The following MAU2 variants were observed in gnomAD, a reference collection of about 807,000 sequenced individuals.
MAU2 encodes MAU2 sister chromatid cohesion factor.
In MAU2, 9 loss-of-function variants were observed where a neutral mutation model predicts 89.1. That is an observed-to-expected ratio of 0.10 (90% CI 0.06 to 0.18). The LOEUF is 0.18. MAU2 is among the 10% of genes least tolerant of loss of function. The pLI is 1.00. For synonymous variants in MAU2, 357 were observed against 343.4 expected (o/e 1.04, Z -0.44); for missense variants, 425 against 803.5 (o/e 0.53, Z 5.69).
In MAU2 at chr19:19,323,496, TTTTA is replaced by T. The variant is rs373778998; in HGVS notation, c.276+2385_276+2388del. ...GGTGTGAGTCACCACATCTGGCCAG[TTTTA>T]TTTATTTATTTATTTATTTATTTTG... On this transcript the variant is annotated intron_variant, in intron 1 of 18. Coordinates refer to ENST00000262815, the MANE Select transcript of MAU2 (RefSeq NM_015329.4). 6.6e-5 allele frequency among the ~76,000 whole-genome samples: 10 copies of T among 151,602 alleles called. No homozygotes were observed. In the South Asian group the frequency reaches 8.3e-4, roughly 13 times the overall value.
chr19:19,334,019 C>G (rs867400406), intron 1 of MAU2: 1 of 218,976 alleles, frequency 4.6e-6, no homozygotes, highest in Non-Finnish European at 7.7e-6. Context: ...TCCCCTCTCT[C>G]CTGTGTGATT....
chr19:19,349,044 C>G lies in MAU2; in HGVS notation c.1358+106C>G, dbSNP rs532720307. The G allele has an allele frequency of 5.6e-5, 87 of 1,558,398 alleles. No individual in the cohort carries two copies. In the South Asian group the frequency reaches 9.7e-4, roughly 17 times the overall value. On this transcript the variant is annotated intron_variant, in intron 14 of 18. Transcript: ENST00000262815. ...CCCTGACACCCCATACCCCTCCTCACAGACAGTCTGCAGTGGGGGCTCTCA... is the reference window on the plus strand; with the variant it reads ...CCCTGACACCCCATACCCCTCCTCAGAGACAGTCTGCAGTGGGGGCTCTCA...
At chr19:19,347,627 A>C in intron 13 of MAU2, 1 of 409,844 alleles carries the variant, frequency 2.4e-6, no homozygotes, top group Non-Finnish European at 4.5e-6. Context: ...AGCTGTATGA[A>C]TCACACAGAC....
At chr19:19,350,654 AC>A (rs1221993947) in intron 16 of MAU2, among the ~76,000 whole-genome samples, 33 of 151,064 alleles carry the variant, frequency 2.2e-4, no homozygotes, top group Admixed American at 1.3e-4. Context: ...TAATCCCAGC[AC>A]TTTGGGAGGC....
intron 5 of MAU2, among the ~76,000 whole-genome samples, chr19:19,339,372 G>A (rs988709654): frequency 4.6e-5 from 7 of 152,034 alleles, no homozygotes; most frequent in Non-Finnish European, 8.8e-5. Flanking sequence ...GCTTGAACCC[G>A]GGAGGCAGAG....
rs1790223820 is a variant in MAU2 at position 19,355,983 on chromosome 19, G to C, written c.*201G>C. 2.9e-6 allele frequency: 2 copies of C among 686,962 alleles called. No homozygotes were observed. The highest frequency in any genetic ancestry group is 5.3e-6 in the Non-Finnish European group (2 of 375,950). 42.6% of individuals were successfully genotyped at this position (686,962 alleles called of 1,614,324 possible). A position where few individuals can be genotyped will look rare whatever the true frequency, so the allele number is the denominator to read the frequency against. On this transcript the variant is annotated 3_prime_UTR_variant, in exon 19 of 19. Transcript: ENST00000262815. ...ACCTCGCAGCAGGACCCCCAGTGCA[G>C]AGGCTCACAGGTGGCACACAGGCGC...
intron 9 of MAU2, 53 bp from the exon 10 acceptor site, chr19:19,343,784 G>T (rs541742700): frequency 2.9e-6 from 4 of 1,375,440 alleles, no homozygotes; most frequent in African/African-American, 2.8e-5. Flanking sequence ...TGGGCTGGGG[G>T]TGGCGCCTCC....
intron 5 of MAU2, among the ~76,000 whole-genome samples, chr19:19,339,256 T>C (rs1470617066): frequency 6.6e-6 from 1 of 152,128 alleles, no homozygotes; most frequent in Non-Finnish European, 1.5e-5. Context: ...GAGCCCACCC[T>C]GGCCAACATG....
At chr19:19,355,687 C>T in intron 18 of MAU2, 21 bp from the exon 19 acceptor site, 1 of 1,596,582 alleles carries the variant, frequency 6.3e-7, no homozygotes, top group South Asian at 1.1e-5. Context: ...GCCTCACTCG[C>T]ATGTCCTCTC....
intron 10 of MAU2, 62 bp from the exon 11 acceptor site, chr19:19,344,787 G>T: frequency 7.1e-7 from 1 of 1,407,114 alleles, no homozygotes; most frequent in Non-Finnish European, 1.0e-6. Flanking sequence ...TCTCTCCATT[G>T]CTGCTCAGAC....
chr19:19,323,664 A>T (rs2061482710), intron 1 of MAU2, among the ~76,000 whole-genome samples: 1 of 151,784 alleles, frequency 6.6e-6, no homozygotes, highest in Middle Eastern at 3.4e-3. Flanking sequence ...GCACCACCAC[A>T]CCCAGCTAAT....
intron 7 of MAU2, among the ~76,000 whole-genome samples, chr19:19,342,084 A>T (rs1424681535): frequency 6.6e-6 from 1 of 152,144 alleles, no homozygotes; most frequent in African/African-American, 2.4e-5. Flanking sequence ...GACTGCAGCC[A>T]CGCTTCCCTC....
At chr19:19,327,674 G>GA (rs1568649781) in intron 1 of MAU2, among the ~76,000 whole-genome samples, 1 of 151,724 alleles carries the variant, frequency 6.6e-6, no homozygotes, top group Non-Finnish European at 1.5e-5. Context: ...CACTGGTCTC[G>GA]AACTCCTCAG....
intron 7 of MAU2, 96 bp from the exon 8 acceptor site, chr19:19,342,439 G>A: frequency 7.1e-7 from 1 of 1,403,990 alleles, no homozygotes; most frequent in Non-Finnish European, 9.5e-7. Flanking sequence ...GGGGAAGGCA[G>A]ATGCTCCCTA....
Position 19,345,273 on chromosome 19 carries a change from C to T in MAU2, c.1156-31C>T, listed in dbSNP as rs377753532. ...TGATCTGAGCCCCCTCCCCAGGGGC[C>T]GGCCCTGATGACAACACCACCTTCT... On this transcript the variant is annotated intron_variant, in intron 11 of 18. Transcript: ENST00000262815. The surrounding 1 kb of genome is among the most constrained non-coding windows in gnomAD (Gnocchi z 4.9). The T allele has an allele frequency of 4.6e-5, 74 of 1,602,064 alleles. No homozygotes were observed. Among genetic ancestry groups the T allele is most frequent in the Middle Eastern group, 1.6e-4 (1 of 6,064 alleles).
intron 17 of MAU2, among the ~76,000 whole-genome samples, chr19:19,354,886 G>T (rs928703689): frequency 6.6e-6 from 1 of 152,168 alleles, no homozygotes; most frequent in African/African-American, 2.4e-5. Flanking sequence ...ACTCGCCTGG[G>T]GCCCTGGGGA....
rs1212197633 is a variant in MAU2 at position 19,339,544 on chromosome 19, G to GT, written c.551+614dup. The GT allele has an allele frequency of 1.5e-3, 220 of 150,138 alleles. 1 individual carries two copies. The highest frequency in any genetic ancestry group is 4.1e-3 in the African/African-American group (166 of 40,948). 9.3% of individuals were successfully genotyped at this position (150,138 alleles called of 1,614,324 possible). On this transcript the variant is annotated intron_variant, in intron 5 of 18. Transcript: ENST00000262815. The stretch of plus-strand genomic sequence containing the variant: ...CCCAACGCTGTGTGTCCACCGCCGC[G>GT]TTTTTTTTTGTTGTTTTTTTTTTGT...
chr19:19,347,179 T>G (rs1266126024), intron 12 of MAU2, 101 bp from the exon 13 acceptor site: 1 of 750,920 alleles, frequency 1.3e-6, no homozygotes, highest in African/African-American at 1.7e-5. Context: ...AGAACAAGTC[T>G]TTTCCAAAGT....
At chr19:19,346,063 G>A (rs1234102515) in intron 12 of MAU2, among the ~76,000 whole-genome samples, 1 of 152,162 alleles carries the variant, frequency 6.6e-6, no homozygotes, top group African/African-American at 2.4e-5. Context: ...AGGTCACCAG[G>A]GAGTCCTGTG....
Sources: allele counts gnomAD v4.1 joint callset (sites outside exome capture counted in the v4.1 genomes callset), GRCh38; gene constraint gnomAD v4.1.1; non-coding constraint Gnocchi (gnomAD v3.1); transcripts MANE v1.5; gene names NCBI Gene and HGNC (gene_info 2026-07-23, HGNC 2026-07-21).